The following BACH2 variants were observed in gnomAD, a reference collection of about 807,000 sequenced individuals.
BACH2 encodes transcription regulator protein BACH2.
A neutral mutation model predicts 61.8 loss-of-function variants in BACH2; 5 were observed. That is an observed-to-expected ratio of 0.08 (90% CI 0.04 to 0.17). The LOEUF (loss-of-function observed/expected upper bound fraction) is 0.17, where lower values mean the gene tolerates loss of function less well. BACH2 is among the 10% of genes least tolerant of loss of function. BACH2 has a pLI of 1.00. For synonymous variants in BACH2, 446 were observed against 440.1 expected, an observed-to-expected ratio of 1.01 and a Z score of -0.17; for missense variants, 824 against 1,091.1, an observed-to-expected ratio of 0.76 and a Z score of 3.45.
rs1477961941 is a variant in BACH2 at position 90,021,057 on chromosome 6, C to CATAT, written c.-12-12205_-12-12202dup. On this transcript the variant is annotated intron_variant, in intron 5 of 8. Transcript: ENST00000257749. ...AAACCCAGCTGCACATGTACATACA[C>CATAT]ATATACCCCAATCATCTCATCATAT... Among the ~76,000 whole-genome samples, 3 of 152,232 alleles carry CATAT rather than the reference C, an allele frequency of 2.0e-5. No individual in the cohort carries two copies. The East Asian group carries it at 5.8e-4, about 29-fold the overall frequency.
chr6:90,084,392 G>C (rs11963242), intron 5 of BACH2, among the ~76,000 whole-genome samples: 4,788 of 151,936 alleles, frequency 0.032, 239 homozygotes, highest in African/African-American at 0.11. Context: ...GAACTCATGG[G>C]GGGGGAATTT....
At chr6:90,064,351 A>T (rs1241903704) in intron 5 of BACH2, among the ~76,000 whole-genome samples, 1 of 152,218 alleles carries the variant, frequency 6.6e-6, no homozygotes, top group Admixed American at 6.5e-5. Flanking sequence ...GAGATACCCT[A>T]CGCAGAAAGG....
At chr6:90,026,726 G>C (rs573304395) in intron 5 of BACH2, among the ~76,000 whole-genome samples, 7 of 152,274 alleles carry the variant, frequency 4.6e-5, no homozygotes, top group Admixed American at 2.6e-4. Context: ...TTTACAGGTA[G>C]GAAAGGAAAC....
At chr6:90,146,714 T>C (rs774855005) in intron 4 of BACH2, among the ~76,000 whole-genome samples, 2 of 152,226 alleles carry the variant, frequency 1.3e-5, no homozygotes, top group Non-Finnish European at 2.9e-5. Context: ...CTCTTTTTGA[T>C]CTCTTTGTTG....
intron 6 of BACH2, among the ~76,000 whole-genome samples, chr6:89,994,785 T>A (rs779716755): frequency 6.6e-6 from 1 of 152,212 alleles, no homozygotes; most frequent in Non-Finnish European, 1.5e-5. Context: ...TTCTTCATTA[T>A]AGAAATGTAA....
chr6:90,021,886 G>A (rs902058898), intron 5 of BACH2, among the ~76,000 whole-genome samples: 8 of 152,182 alleles, frequency 5.3e-5, no homozygotes, highest in African/African-American at 1.9e-4. Flanking sequence ...AACGTTTTGT[G>A]TTCCTTATTT....
In BACH2 at chr6:90,065,270, C is replaced by CTTTTTTTTTTTTTTTTTT. The variant is rs71027920; in HGVS notation, c.-13+23673_-13+23690dup. Among the ~76,000 whole-genome samples the CTTTTTTTTTTTTTTTTTT allele has an allele frequency of 5.9e-3, 310 of 52,658 alleles. 39 individuals are homozygous for CTTTTTTTTTTTTTTTTTT. The highest frequency in any genetic ancestry group is 7.8e-3 in the Non-Finnish European group (231 of 29,580). 34.5% of individuals were successfully genotyped at this position (52,658 alleles called of 152,430 possible). A position where few individuals can be genotyped will look rare whatever the true frequency, so the allele number is the denominator to read the frequency against. ...GCCACCCCACCCCCTGCCGCCCCCA[C>CTTTTTTTTTTTTTTTTTT]TTTTTTTTTTTTTTTTTTTTTTTTT... On this transcript the variant is annotated intron_variant, in intron 5 of 8. Transcript: ENST00000257749.
intron 5 of BACH2, among the ~76,000 whole-genome samples, chr6:90,084,069 G>A (rs1349571002): frequency 2.7e-5 from 4 of 150,714 alleles, no homozygotes; most frequent in Non-Finnish European, 5.9e-5. Flanking sequence ...AAAAAGGGAA[G>A]TGTGGTGTGT....
chr6:90,181,056 T>C (rs1001915445), intron 4 of BACH2, among the ~76,000 whole-genome samples: 7 of 152,216 alleles, frequency 4.6e-5, no homozygotes, highest in African/African-American at 9.7e-5. Context: ...CTGGGTTGAA[T>C]AGTAGATCTA....
intron 6 of BACH2, among the ~76,000 whole-genome samples, chr6:89,992,832 TAG>T (rs933037686): frequency 6.6e-5 from 10 of 152,262 alleles, no homozygotes; most frequent in African/African-American, 2.2e-4. Flanking sequence ...TAGGTTGCTA[TAG>T]AGTTTTTTAG....
chr6:89,942,797 T>C (rs1362747996), intron 7 of BACH2, among the ~76,000 whole-genome samples: 2 of 152,348 alleles, frequency 1.3e-5, no homozygotes, highest in East Asian at 3.9e-4. Context: ...ACCAGAGGCC[T>C]GTGCCACAGT....
At chr6:90,137,764 C>T (rs1167690185) in intron 4 of BACH2, among the ~76,000 whole-genome samples, 4 of 152,032 alleles carry the variant, frequency 2.6e-5, no homozygotes, top group Non-Finnish European at 4.4e-5. Flanking sequence ...TGGTGCTCTC[C>T]CCAACCAGGA....
At chr6:90,157,116 T>G (rs1406507152) in intron 4 of BACH2, among the ~76,000 whole-genome samples, 1 of 152,168 alleles carries the variant, frequency 6.6e-6, no homozygotes, top group South Asian at 2.1e-4. Flanking sequence ...AGAGAAGAGC[T>G]TGCCCCAAAA....
chr6:90,101,127 A>G (rs1011473814), intron 4 of BACH2, among the ~76,000 whole-genome samples: 2 of 152,118 alleles, frequency 1.3e-5, no homozygotes, highest in Non-Finnish European at 2.9e-5. Flanking sequence ...AATTCTTTAT[A>G]TATTCTGGAT....
At position 89,951,152 on chromosome 6, in the gene BACH2, A is replaced by G. The variant is rs1774078300; in HGVS notation, c.954T>C (p.Pro318=). The G allele has an allele frequency of 1.2e-6, 2 of 1,612,242 alleles. No individual in the cohort carries two copies. The highest frequency in any genetic ancestry group is 2.7e-5 in the African/African-American group (2 of 74,974). The part of the protein sequence containing the change: ...EMDRKQPSPA[P]TPTAPAGAAC... ...CGGCCCCAGCTGGGGCCGTGGGGGT[A>G]GGGGCAGGGCTGGGCTGTTTCCGGT... is the stretch of plus-strand genomic sequence containing the variant. The change falls in exon 7 of 9, where the codon CCT becomes CCC. Residue 318 remains proline (P), a synonymous_variant. Transcript: ENST00000257749. The surrounding 1 kb of genome is among the most constrained non-coding windows in gnomAD (Gnocchi z 6.4).
chr6:90,239,009 G>A (rs1022284418), intron 3 of BACH2, among the ~76,000 whole-genome samples: 5 of 152,154 alleles, frequency 3.3e-5, no homozygotes, highest in African/African-American at 1.2e-4. Context: ...AAAGTTAAAC[G>A]ACCACTAACT....
intron 4 of BACH2, among the ~76,000 whole-genome samples, chr6:90,121,554 T>A (rs1007120042): frequency 6.6e-6 from 1 of 152,188 alleles, no homozygotes; most frequent in Non-Finnish European, 1.5e-5. Flanking sequence ...TTAATTAATT[T>A]ATTTTGAGAC....
intron 4 of BACH2, among the ~76,000 whole-genome samples, chr6:90,127,379 G>C (rs1783898751): frequency 6.6e-6 from 1 of 152,196 alleles, no homozygotes; most frequent in Non-Finnish European, 1.5e-5. Context: ...AACTGGCCTT[G>C]CTGGTGGTTT....
intron 6 of BACH2, among the ~76,000 whole-genome samples, chr6:89,989,999 T>C (rs2128365108): frequency 6.6e-6 from 1 of 152,310 alleles, no homozygotes; most frequent in South Asian, 2.1e-4. Context: ...TAGTCACATG[T>C]CAGAGGGATC....
Sources: allele counts gnomAD v4.1 joint callset (sites outside exome capture counted in the v4.1 genomes callset), GRCh38; gene constraint gnomAD v4.1.1; non-coding constraint Gnocchi (gnomAD v3.1); transcripts MANE v1.5; gene names NCBI Gene and HGNC (gene_info 2026-07-23, HGNC 2026-07-21).